Variants in LDB2 observed in about 807,000 individuals in gnomAD.
LDB2 encodes the protein LIM domain binding 2.
In LDB2, 12 loss-of-function variants were observed where a neutral mutation model predicts 44.3. The ratio of observed to expected loss-of-function variants is 0.27; its 90% CI spans 0.17 to 0.44. The LOEUF is 0.44. Ranked by LOEUF, LDB2 falls within the 20% of genes least tolerant of loss-of-function variation. The pLI is 1.00. For missense variants in LDB2, 344 were observed against 473.5 expected, an observed-to-expected ratio of 0.73 and a Z score of 2.54; for synonymous variants, 164 against 174.8, an observed-to-expected ratio of 0.94 and a Z score of 0.49.
At chr4:16,542,292 G>C (rs567713706) in intron 5 of LDB2, among the ~76,000 whole-genome samples, 219 of 152,294 alleles carry the variant, frequency 1.4e-3, no homozygotes, top group Non-Finnish European at 2.8e-3. Context: ...ACAGAGATGA[G>C]AGAAAAGTAA....
chr4:16,612,709 T>C (rs1031455003), intron 2 of LDB2, among the ~76,000 whole-genome samples: 1 of 152,086 alleles, frequency 6.6e-6, no homozygotes. Flanking sequence ...AGGCAGTAAT[T>C]AATAGCCTAC....
chr4:16,517,182 G>A (rs1724070900), intron 5 of LDB2, among the ~76,000 whole-genome samples: 2 of 152,132 alleles, frequency 1.3e-5, no homozygotes, highest in South Asian at 4.1e-4. Context: ...AGAGAATCTG[G>A]TGAAGGCTAT....
chr4:16,782,894 T>C (rs1773600586), intron 1 of LDB2, among the ~76,000 whole-genome samples: 1 of 152,146 alleles, frequency 6.6e-6, no homozygotes, highest in African/African-American at 2.4e-5. Context: ...GGGTGTATTA[T>C]TGGTGTAGAT....
At chr4:16,861,332 G>A (rs570807214) in intron 1 of LDB2, among the ~76,000 whole-genome samples, 1 of 152,216 alleles carries the variant, frequency 6.6e-6, no homozygotes, top group South Asian at 2.1e-4. Flanking sequence ...CATGCTGTAG[G>A]GGACTGTCCC....
chr4:16,588,946 C>A, intron 3 of LDB2, 114 bp from the exon 4 acceptor site: 1 of 1,087,012 alleles, frequency 9.2e-7, no homozygotes, highest in South Asian at 1.5e-5. Flanking sequence ...AGTGCTAGCT[C>A]TTGGTAAAGA....
chr4:16,724,350 GCA>G (rs961522367), intron 2 of LDB2, among the ~76,000 whole-genome samples: 1 of 151,320 alleles, frequency 6.6e-6, no homozygotes, highest in Non-Finnish European at 1.5e-5. Flanking sequence ...AGATTTGTGG[GCA>G]CCTGGGTACA....
chr4:16,740,544 G>T (rs1439779536), intron 2 of LDB2, among the ~76,000 whole-genome samples: 4 of 152,194 alleles, frequency 2.6e-5, no homozygotes, highest in African/African-American at 9.7e-5. Context: ...CAGCATGGCA[G>T]GTACTACCTC....
At chr4:16,649,289 T>G (rs1737619984) in intron 2 of LDB2, among the ~76,000 whole-genome samples, 1 of 152,222 alleles carries the variant, frequency 6.6e-6, no homozygotes, top group Admixed American at 6.5e-5. Context: ...TGTGCATATG[T>G]TTGCCCCAAG....
intron 1 of LDB2, among the ~76,000 whole-genome samples, chr4:16,833,680 C>G (rs1444918561): frequency 6.6e-6 from 1 of 151,990 alleles, no homozygotes; most frequent in Non-Finnish European, 1.5e-5. Flanking sequence ...GTAGCTGGGA[C>G]TACCGGCGCA....
chr4:16,583,526 A>G (rs1368160916), intron 5 of LDB2, among the ~76,000 whole-genome samples: 11 of 152,228 alleles, frequency 7.2e-5, no homozygotes, highest in Non-Finnish European at 1.5e-4. Flanking sequence ...AGGCAACTTT[A>G]TACATGAATG....
intron 2 of LDB2, among the ~76,000 whole-genome samples, chr4:16,637,299 ATTTTTTTTT>A (rs34484721): frequency 1.2e-5 from 1 of 85,482 alleles, no homozygotes; most frequent in African/African-American, 4.9e-5. Flanking sequence ...GCCTAGGCTG[ATTTTTTTTT>A]TTTTTTTTTT....
intron 1 of LDB2, among the ~76,000 whole-genome samples, chr4:16,888,154 A>G (rs1353015009): frequency 2.0e-5 from 3 of 152,198 alleles, no homozygotes; most frequent in Non-Finnish European, 4.4e-5. Flanking sequence ...TGGGCTGCAT[A>G]TTGAGAAGCA....
At chr4:16,635,379 A>T (rs2152501081) in intron 2 of LDB2, among the ~76,000 whole-genome samples, 1 of 152,332 alleles carries the variant, frequency 6.6e-6, no homozygotes, top group Middle Eastern at 3.4e-3. Context: ...CATGAATTAA[A>T]TTCAAATGGT....
At position 16,584,249 on chromosome 4, in the gene LDB2, C is replaced by T. The variant is rs995664945; in HGVS notation, c.615+1673G>A. ...TTCTGACCCAGTCCTGGAACTAAAC[C>T]CTACAAGGAGCTGATATTATTTTTG... is the stretch of plus-strand genomic sequence containing the variant. On this transcript the variant is annotated intron_variant, in intron 5 of 7. Coordinates refer to ENST00000304523, the MANE Select transcript of LDB2 (RefSeq NM_001290.5). Among the ~76,000 whole-genome samples, 6 of 152,242 alleles carry T rather than the reference C, an allele frequency of 3.9e-5. No homozygotes were observed. In the South Asian group the frequency reaches 8.3e-4, roughly 21 times the overall value.
chr4:16,713,909 T>C (rs1387059179), intron 2 of LDB2, among the ~76,000 whole-genome samples: 2 of 152,220 alleles, frequency 1.3e-5, no homozygotes, highest in African/African-American at 4.8e-5. Flanking sequence ...GCATTCTGTG[T>C]GGATGTCCAT....
chr4:16,797,393 G>C (rs1776939244), intron 1 of LDB2, among the ~76,000 whole-genome samples: 1 of 152,040 alleles, frequency 6.6e-6, no homozygotes, highest in African/African-American at 2.4e-5. Flanking sequence ...CTTGACAGCT[G>C]GGGAAAATGG....
In LDB2 at chr4:16,715,593, TC is replaced by T. The variant is rs1386578462; in HGVS notation, c.235+43564del. On this transcript the variant is annotated intron_variant, in intron 2 of 7. Coordinates refer to ENST00000304523, the MANE Select transcript of LDB2 (RefSeq NM_001290.5). ...CTGAGAGTTATTCCTTATCCATTTT[TC>T]CTCTGTTAATAAAACAACATCAGAA... is the stretch of plus-strand genomic sequence containing the variant. Among the ~76,000 whole-genome samples the T allele has an allele frequency of 2.6e-5, 4 of 152,208 alleles. No homozygotes were observed. In the East Asian group the frequency reaches 5.8e-4, roughly 22 times the overall value.
At chr4:16,683,153 A>G (rs117751110) in intron 2 of LDB2, among the ~76,000 whole-genome samples, 1 of 152,194 alleles carries the variant, frequency 6.6e-6, no homozygotes, top group African/African-American at 2.4e-5. Context: ...CAAAAAGTGT[A>G]ACTTTAAACA....
rs201100460 is a variant in LDB2 at position 16,511,952 on chromosome 4, T to TAG, written c.739+27_739+28dup. Reference sequence around the variant, plus strand: ...TGGAAGACACCTCTGAAAACGTGTTTAGAGAGAGAGTGAAGAATGAGGGTG... The same window carrying TAG: ...TGGAAGACACCTCTGAAAACGTGTTTAGAGAGAGAGAGTGAAGAATGAGGGTG... On this transcript the variant is annotated intron_variant, in intron 6 of 7. Coordinates refer to ENST00000304523, the MANE Select transcript of LDB2 (RefSeq NM_001290.5). The TAG allele has an allele frequency of 3.7e-6, 6 of 1,600,874 alleles. No individual in the cohort carries two copies. The Middle Eastern group carries it at 5.0e-4, about 133-fold the overall frequency.
Sources: gnomAD v4.1 joint callset for allele counts (sites outside exome capture counted in the v4.1 genomes callset) on GRCh38, gnomAD v4.1.1 for gene constraint, MANE v1.5 for transcripts, NCBI Gene and HGNC (gene_info 2026-07-23, HGNC 2026-07-21) for gene names.